Variants in CDKAL1 observed in about 807,000 individuals in gnomAD.
CDKAL1 encodes the protein threonylcarbamoyladenosine tRNA methylthiotransferase.
A neutral mutation model predicts 68.2 loss-of-function variants in CDKAL1; 32 were observed. The observed-to-expected ratio is 0.47, with a 90% CI of 0.35 to 0.63. The LOEUF (loss-of-function observed/expected upper bound fraction) is 0.63, where lower values mean the gene tolerates loss of function less well. Ranked by LOEUF, CDKAL1 falls within the 30% of genes least tolerant of loss-of-function variation. The pLI is 0.00. For synonymous variants in CDKAL1, 234 were observed against 244.3 expected (o/e 0.96, Z 0.39); for missense variants, 606 against 696.7 (o/e 0.87, Z 1.47).
At chr6:20,816,661 A>T (rs943940088) in intron 8 of CDKAL1, among the ~76,000 whole-genome samples, 2 of 152,120 alleles carry the variant, frequency 1.3e-5, no homozygotes, top group African/African-American at 4.8e-5. Flanking sequence ...AATCATAAAG[A>T]ACTGAATAAT....
chr6:21,060,824 T>A (rs962887633), intron 11 of CDKAL1, among the ~76,000 whole-genome samples: 1 of 152,154 alleles, frequency 6.6e-6, no homozygotes, highest in African/African-American at 2.4e-5. Flanking sequence ...ATTTTAATCA[T>A]GTGTTTTGTT....
chr6:20,698,132 G>T, intron 5 of CDKAL1, among the ~76,000 whole-genome samples: 1 of 152,224 alleles, frequency 6.6e-6, no homozygotes, highest in Non-Finnish European at 1.5e-5. Context: ...CTTATGGTAA[G>T]GTTTCCTGTG....
intron 11 of CDKAL1, among the ~76,000 whole-genome samples, chr6:21,015,725 G>A (rs1056005866): frequency 6.6e-6 from 1 of 151,968 alleles, no homozygotes; most frequent in Admixed American, 6.6e-5. Flanking sequence ...TCAGGAGTTC[G>A]AGACCAGCCT....
chr6:20,766,046 A>C (rs568074501), intron 7 of CDKAL1, among the ~76,000 whole-genome samples: 1 of 152,328 alleles, frequency 6.6e-6, no homozygotes, highest in Non-Finnish European at 1.5e-5. Flanking sequence ...TTTAGAACAC[A>C]AATGAATGCC....
intron 8 of CDKAL1, among the ~76,000 whole-genome samples, chr6:20,801,562 A>G (rs1234432446): frequency 6.6e-6 from 1 of 152,180 alleles, no homozygotes; most frequent in Non-Finnish European, 1.5e-5. Context: ...ATACTACATC[A>G]GACGTGACAT....
At chr6:21,096,043 G>A (rs1435005609) in intron 12 of CDKAL1, among the ~76,000 whole-genome samples, 3 of 152,168 alleles carry the variant, frequency 2.0e-5, no homozygotes, top group Non-Finnish European at 4.4e-5. Flanking sequence ...ATTAGATGTA[G>A]AAAGGAGAGT....
chr6:20,605,853 G>A (rs1766312104), intron 4 of CDKAL1, among the ~76,000 whole-genome samples: 1 of 152,124 alleles, frequency 6.6e-6, no homozygotes, highest in Admixed American at 6.5e-5. Flanking sequence ...CCCAGCTTTG[G>A]TTGGTTTCCT....
At chr6:21,218,400 C>T (rs1779415875) in intron 15 of CDKAL1, among the ~76,000 whole-genome samples, 1 of 152,230 alleles carries the variant, frequency 6.6e-6, no homozygotes, top group African/African-American at 2.4e-5. Context: ...CTTAAAACAA[C>T]AAACATTTAT....
chr6:20,713,001 A>T (rs1182844124), intron 5 of CDKAL1, among the ~76,000 whole-genome samples: 1 of 150,228 alleles, frequency 6.7e-6, no homozygotes, highest in Non-Finnish European at 1.5e-5. Context: ...TCTTTGTAAG[A>T]TTCTAAGATT....
chr6:21,104,283 A>T (rs981389120), intron 12 of CDKAL1, among the ~76,000 whole-genome samples: 2 of 152,138 alleles, frequency 1.3e-5, no homozygotes, highest in Non-Finnish European at 2.9e-5. Context: ...GTTCATCCCA[A>T]TGTTTCAGTA....
chr6:20,871,512 T>C (rs996497719), intron 9 of CDKAL1, among the ~76,000 whole-genome samples: 48 of 152,326 alleles, frequency 3.2e-4, no homozygotes, highest in African/African-American at 1.1e-3. Flanking sequence ...AAGTTCGGTC[T>C]CTTCCCACTC....
chr6:20,803,729 CA>C (rs1776460194), intron 8 of CDKAL1, among the ~76,000 whole-genome samples: 1 of 152,088 alleles, frequency 6.6e-6, no homozygotes, highest in South Asian at 2.1e-4. Context: ...TGGGGAGAAT[CA>C]GGGGAGCTGA....
chr6:20,658,050 T>C (rs1769110432), intron 5 of CDKAL1, among the ~76,000 whole-genome samples: 1 of 152,176 alleles, frequency 6.6e-6, no homozygotes, highest in Non-Finnish European at 1.5e-5. Flanking sequence ...TTTCAAAAAA[T>C]AAAATTTGCT....
At chr6:20,826,348 A>G (rs1777501650) in intron 8 of CDKAL1, among the ~76,000 whole-genome samples, 1 of 152,304 alleles carries the variant, frequency 6.6e-6, no homozygotes, top group Non-Finnish European at 1.5e-5. Flanking sequence ...TCTGATTTTT[A>G]AAGCATCTTT....
chr6:20,903,923 C>T (rs902319369), intron 9 of CDKAL1, among the ~76,000 whole-genome samples: 1 of 152,156 alleles, frequency 6.6e-6, no homozygotes, highest in Non-Finnish European at 1.5e-5. Flanking sequence ...TCTGAATCTA[C>T]TAAAGGTGTA....
chr6:21,166,330 AC>A (rs1439380429), intron 13 of CDKAL1, among the ~76,000 whole-genome samples: 2 of 152,180 alleles, frequency 1.3e-5, no homozygotes, highest in Admixed American at 6.5e-5. Context: ...GTAATGAGGG[AC>A]CGTTAAAATG....
At chr6:20,866,763 C>T (rs1759929708) in intron 9 of CDKAL1, among the ~76,000 whole-genome samples, 1 of 152,128 alleles carries the variant, frequency 6.6e-6, no homozygotes, top group Non-Finnish European at 1.5e-5. Flanking sequence ...GACAGTAACA[C>T]CATTTTAGCA....
chr6:20,905,471 T>C (rs1762191162), intron 9 of CDKAL1, among the ~76,000 whole-genome samples: 1 of 151,982 alleles, frequency 6.6e-6, no homozygotes, highest in Non-Finnish European at 1.5e-5. Context: ...ATGAAACAGA[T>C]CAACATGTGC....
intron 13 of CDKAL1, among the ~76,000 whole-genome samples, chr6:21,183,992 A>G (rs187514009): frequency 6.6e-6 from 1 of 152,234 alleles, no homozygotes; most frequent in Non-Finnish European, 1.5e-5. Context: ...TAGGTTGGAC[A>G]TGCCTCATTA....
Sources: gnomAD v4.1 joint callset for allele counts (sites outside exome capture counted in the v4.1 genomes callset) on GRCh38, gnomAD v4.1.1 for gene constraint, MANE v1.5 for transcripts, NCBI Gene and HGNC (gene_info 2026-07-23, HGNC 2026-07-21) for gene names.